BCO1: variants seen among roughly 807,000 people sequenced by gnomAD.
BCO1 encodes the protein beta,beta-carotene 15,15'-dioxygenase.
BCO1 carries 54 observed loss-of-function variants against 56.3 expected under a neutral mutation model. The ratio of observed to expected loss-of-function variants is 0.96; its 90% CI spans 0.77 to 1.20. The LOEUF (loss-of-function observed/expected upper bound fraction) is 1.20, where lower values mean the gene tolerates loss of function less well. Ranked by LOEUF, BCO1 falls within the 50% of genes most tolerant of loss-of-function variation. The probability of loss-of-function intolerance (pLI) is 0.00; values close to 1 mark genes in which losing one functional copy is unlikely to be tolerated. For synonymous variants in BCO1, 318 were observed against 266.1 expected (o/e 1.20, Z -1.90); for missense variants, 801 against 690.9 (o/e 1.16, Z -1.79).
intron 7 of BCO1, among the ~76,000 whole-genome samples, chr16:81,276,014 C>T (rs1323353171): frequency 1.3e-5 from 2 of 152,228 alleles, no homozygotes; most frequent in Non-Finnish European, 2.9e-5. Context: ...GGTTCGTGTG[C>T]ACCCACGCCT....
At position 81,287,386 on chromosome 16, in the gene BCO1, G is replaced by T. The variant is rs1306968185; in HGVS notation, c.1394G>T (p.Gly465Val). 2 of 1,613,980 alleles carry T rather than the reference G, an allele frequency of 1.2e-6. No homozygotes were observed. The highest frequency in any genetic ancestry group is 3.3e-5 in the Admixed American group (2 of 60,014). Residue 465 changes from glycine to valine, a missense_variant, in exon 10 of 11, where the codon GGT becomes GTT. Transcript: ENST00000258168. Reference protein sequence around the residue: ...PAEPLFVPAPGAKDEDDGVIL... With the variant: ...PAEPLFVPAPVAKDEDDGVIL... ...GAACCCCTGTTTGTGCCCGCGCCAG[G>T]TGCCAAGGATGAGGATGACGGTAAG...
intron 7 of BCO1, among the ~76,000 whole-genome samples, chr16:81,274,783 C>T (rs1483545869): frequency 6.6e-6 from 1 of 152,044 alleles, no homozygotes; most frequent in African/African-American, 2.4e-5. Flanking sequence ...GAGGCTGAGG[C>T]AGGAGAATTG....
intron 2 of BCO1, among the ~76,000 whole-genome samples, chr16:81,253,980 A>T (rs567512163): frequency 2.5e-4 from 38 of 152,220 alleles, no homozygotes; most frequent in Non-Finnish European, 4.4e-4. Context: ...AGAAAGAAAT[A>T]TCTCAGTGAC....
chr16:81,247,658 C>G (rs903952139), intron 2 of BCO1, among the ~76,000 whole-genome samples: 3 of 151,956 alleles, frequency 2.0e-5, no homozygotes, highest in Admixed American at 2.0e-4. Context: ...TCCCGAGTAG[C>G]TGGGATTACA....
intron 8 of BCO1, among the ~76,000 whole-genome samples, chr16:81,283,835 C>T (rs1299995842): frequency 6.6e-6 from 1 of 151,962 alleles, no homozygotes; most frequent in East Asian, 1.9e-4. Context: ...AGTTGAACAT[C>T]CATTTCAGTA....
intron 5 of BCO1, 64 bp from the exon 6 acceptor site, chr16:81,267,844 G>A (rs984648698): frequency 2.2e-6 from 3 of 1,368,308 alleles, no homozygotes; most frequent in Non-Finnish European, 3.1e-6. Flanking sequence ...GGTGATGGTG[G>A]TGTGGTCTTG....
chr16:81,244,392 CAT>C (rs1217617580), intron 1 of BCO1, among the ~76,000 whole-genome samples: 10 of 139,090 alleles, frequency 7.2e-5, no homozygotes, highest in African/African-American at 2.5e-4. Flanking sequence ...ATCAGTTCAA[CAT>C]GAAATCAATA....
chr16:81,289,727 C>G (rs558380664), intron 10 of BCO1, among the ~76,000 whole-genome samples: 4 of 152,288 alleles, frequency 2.6e-5, no homozygotes, highest in African/African-American at 9.6e-5. Context: ...ATCCATCATT[C>G]AGGAGATACT....
intron 1 of BCO1, among the ~76,000 whole-genome samples, chr16:81,245,146 C>T (rs1002009002): frequency 6.6e-6 from 1 of 152,176 alleles, no homozygotes; most frequent in Non-Finnish European, 1.5e-5. Flanking sequence ...CCCACCTAGG[C>T]TTCCCAAAGT....
chr16:81,264,624 G>C lies in BCO1; in HGVS notation c.472-16G>C. 6.2e-7 allele frequency: 1 copy of C among 1,613,500 alleles called. No homozygotes were observed. Among genetic ancestry groups the C allele is most frequent in the East Asian group, 2.2e-5 (1 of 44,876 alleles). On this transcript the variant is annotated splice_polypyrimidine_tract_variant and intron_variant, in intron 4 of 10. Transcript: ENST00000258168. ...TCGTAAATACTTTAAAAAACAGGAG[G>C]TGTCATATCTTGCAGGTTGATTATC... is the stretch of plus-strand genomic sequence containing the variant.
intron 5 of BCO1, among the ~76,000 whole-genome samples, chr16:81,266,375 C>G (rs1398194934): frequency 6.6e-6 from 1 of 152,160 alleles, no homozygotes; most frequent in Non-Finnish European, 1.5e-5. Flanking sequence ...TGACAGGACT[C>G]AGGAGACAGT....
intron 7 of BCO1, among the ~76,000 whole-genome samples, chr16:81,271,949 G>A (rs111967057): frequency 1.1e-4 from 16 of 152,136 alleles, no homozygotes; most frequent in African/African-American, 3.9e-4. Flanking sequence ...GTTTCGCCAT[G>A]TTGCCCAGGC....
At position 81,268,019 on chromosome 16, in the gene BCO1, A is replaced by G; in HGVS notation, c.731A>G (p.Asn244Ser). ...SYYHSFGVTE[N>S]YVIFLEQPFR... ...TACCACAGCTTTGGAGTCACCGAGAACTATGTCATCTTCCTTGAGCAGCCT... is the reference window on the plus strand; with the variant it reads ...TACCACAGCTTTGGAGTCACCGAGAGCTATGTCATCTTCCTTGAGCAGCCT... Residue 244 changes from asparagine (N) to serine (S), a missense_variant, in exon 6 of 11, where the codon AAC becomes AGC. By Grantham distance (46) the Asn-to-Ser change is conservative (BLOSUM62 1). Coordinates refer to ENST00000258168, the MANE Select transcript of BCO1 (RefSeq NM_017429.3). 1.2e-6 allele frequency: 2 copies of G among 1,613,752 alleles called. No homozygotes were observed. Among genetic ancestry groups the G allele is most frequent in the Non-Finnish European group, 1.7e-6 (2 of 1,179,986 alleles).
At chr16:81,255,648 A>G (rs558712057) in intron 2 of BCO1, among the ~76,000 whole-genome samples, 1 of 151,796 alleles carries the variant, frequency 6.6e-6, no homozygotes, top group East Asian at 1.9e-4. Context: ...CTGGGACTAC[A>G]GGTGCCTCCC....
intron 6 of BCO1, among the ~76,000 whole-genome samples, chr16:81,269,342 G>T (rs111723670): frequency 2.7e-5 from 4 of 150,398 alleles, no homozygotes; most frequent in African/African-American, 9.8e-5. Flanking sequence ...CTGTCACCCA[G>T]GCTGGAGCGC....
intron 5 of BCO1, among the ~76,000 whole-genome samples, chr16:81,265,724 C>T (rs940071202): frequency 6.6e-6 from 1 of 151,576 alleles, no homozygotes; most frequent in Non-Finnish European, 1.5e-5. Context: ...ATCCACCCAC[C>T]CACCATGAAT....
intron 1 of BCO1, among the ~76,000 whole-genome samples, chr16:81,244,850 G>A (rs1178087744): frequency 6.6e-6 from 1 of 151,434 alleles, no homozygotes; most frequent in South Asian, 2.1e-4. Flanking sequence ...CTCCCAAGCA[G>A]CTGGGACTAC....
Position 81,280,269 on chromosome 16 carries a change from CAAAAAAAAAAAAAAAAAAAAAAAAA to C in BCO1, c.1102-573_1102-549del, listed in dbSNP as rs58607661. The stretch of plus-strand genomic sequence containing the variant: ...TGGGCAACAGAGTGAGACTCCATCT[CAAAAAAAAAAAAAAAAAAAAAAAAA>C]AAAAAAAAAAAAAATTACACACACA... On this transcript the variant is annotated intron_variant, in intron 7 of 10. Coordinates refer to ENST00000258168, the MANE Select transcript of BCO1 (RefSeq NM_017429.3). Among the ~76,000 whole-genome samples the C allele has an allele frequency of 7.0e-4, 26 of 36,906 alleles. 1 individual carries two copies. The East Asian group carries it at 0.022, about 31-fold the overall frequency. 24.2% of individuals were successfully genotyped at this position (36,906 alleles called of 152,430 possible).
At chr16:81,250,819 G>A (rs1462753546) in intron 2 of BCO1, among the ~76,000 whole-genome samples, 2 of 152,136 alleles carry the variant, frequency 1.3e-5, no homozygotes, top group Non-Finnish European at 2.9e-5. Context: ...GACCTCAGGT[G>A]ATCCACTTGC....
Sources: allele counts gnomAD v4.1 joint callset (sites outside exome capture counted in the v4.1 genomes callset), GRCh38; gene constraint gnomAD v4.1.1; transcripts MANE v1.5; gene names NCBI Gene and HGNC (gene_info 2026-07-23, HGNC 2026-07-21).